LACTB2: variants seen among roughly 807,000 people sequenced by gnomAD.
LACTB2 encodes the protein endoribonuclease LACTB2.
Under a neutral mutation model 34.8 loss-of-function variants are expected in LACTB2, and 32 were observed. The ratio of observed to expected loss-of-function variants is 0.92; its 90% CI spans 0.69 to 1.24. The LOEUF (loss-of-function observed/expected upper bound fraction) is 1.24, where lower values mean the gene tolerates loss of function less well. LACTB2 is among the 50% of genes most tolerant of loss of function. LACTB2 has a pLI of 0.00. For missense variants in LACTB2, 320 were observed against 345.0 expected (o/e 0.93, Z 0.57); for synonymous variants, 120 against 117.5 (o/e 1.02, Z -0.14).
At chr8:70,655,236 TGA>T (rs1437396813) in intron 3 of LACTB2, among the ~76,000 whole-genome samples, 1 of 132,362 alleles carries the variant, frequency 7.6e-6, no homozygotes, top group African/African-American at 2.8e-5. Flanking sequence ...TTTTTTTTTT[TGA>T]GAGGGAGTTT....
chr8:70,648,888 T>C (rs1255036978), intron 3 of LACTB2, among the ~76,000 whole-genome samples: 1 of 152,046 alleles, frequency 6.6e-6, no homozygotes, highest in Non-Finnish European at 1.5e-5. Context: ...AAGGAATCAC[T>C]GTGAAATTTC....
chr8:70,664,422 C>A (rs1818515323), intron 1 of LACTB2, among the ~76,000 whole-genome samples: 1 of 152,088 alleles, frequency 6.6e-6, no homozygotes, highest in African/African-American at 2.4e-5. Context: ...GAAAACAGAT[C>A]TTTTAGAATG....
At position 70,644,186 on chromosome 8, in the gene LACTB2, T is replaced by G. The variant is rs771727222; in HGVS notation, c.471A>C (p.Glu157Asp). 2 of 1,613,024 alleles carry G rather than the reference T, an allele frequency of 1.2e-6. No individual in the cohort carries two copies. The highest frequency in any genetic ancestry group is 2.7e-5 in the African/African-American group (2 of 74,892). ...TGCAATCTCCAGAAAAGATAGCATTTTCCTCTTCTAAGAGTAGAGCCATGT... is the reference window on the plus strand; with the variant it reads ...TGCAATCTCCAGAAAAGATAGCATTGTCCTCTTCTAAGAGTAGAGCCATGT... ...DDHMALLLEE[E>D]NAIFSGDCIL... is the part of the protein sequence containing the mutation. The change falls in exon 4 of 7, where the codon GAA (glutamate) becomes GAC (aspartate). Residue 157 changes from glutamate to aspartate, a missense_variant. Transcript: ENST00000276590.
intron 3 of LACTB2, among the ~76,000 whole-genome samples, chr8:70,652,296 C>T (rs1818353167): frequency 6.6e-6 from 1 of 152,030 alleles, no homozygotes; most frequent in African/African-American, 2.4e-5. Context: ...TTTTCACTAG[C>T]TAGCTTAACA....
chr8:70,663,902 A>G (rs1232467511), intron 1 of LACTB2, among the ~76,000 whole-genome samples: 1 of 152,174 alleles, frequency 6.6e-6, no homozygotes, highest in African/African-American at 2.4e-5. Context: ...CAGGGCAGAA[A>G]GCTTGTCTGT....
intron 3 of LACTB2, among the ~76,000 whole-genome samples, chr8:70,653,494 T>C (rs1393670074): frequency 6.6e-6 from 1 of 152,224 alleles, no homozygotes; most frequent in East Asian, 1.9e-4. Flanking sequence ...AAAGAGGACA[T>C]GGACATCTAC....
Position 70,641,744 on chromosome 8 carries a change from T to C in LACTB2, c.593-694A>G, listed in dbSNP as rs146315321. ...TGACAACCCAGATTAAGTTATACTA[T>C]AATTTACTTCCCCTTTAAGACAGTA... On this transcript the variant is annotated intron_variant, in intron 4 of 6. Coordinates refer to ENST00000276590, the MANE Select transcript of LACTB2 (RefSeq NM_016027.3). Among the ~76,000 whole-genome samples the C allele has an allele frequency of 4.3e-3, 661 of 152,336 alleles. 6 individuals carry two copies. The highest frequency in any genetic ancestry group is 0.015 in the African/African-American group (623 of 41,584).
intron 3 of LACTB2, among the ~76,000 whole-genome samples, chr8:70,648,563 T>C (rs1227687109): frequency 6.6e-6 from 1 of 151,078 alleles, no homozygotes; most frequent in African/African-American, 2.4e-5. Flanking sequence ...GGCAAAAAGA[T>C]GAAAAATGAG....
At chr8:70,646,977 G>C (rs1459335922) in intron 3 of LACTB2, among the ~76,000 whole-genome samples, 1 of 152,142 alleles carries the variant, frequency 6.6e-6, no homozygotes, top group African/African-American at 2.4e-5. Context: ...CTTAGTAGTA[G>C]TTAATTTTAG....
Position 70,644,221 on chromosome 8 carries a change from T to A in LACTB2, c.436A>T (p.Thr146Ser). The change falls in exon 4 of 7, where the codon ACT becomes TCT. Residue 146 changes from threonine (T) to serine (S), a missense_variant. Coordinates refer to ENST00000276590, the MANE Select transcript of LACTB2 (RefSeq NM_016027.3). ...AAGAGTAGAGCCATGTGATCATCAG[T>A]GTGGCCAGGGGTATATAGAACTCTG... is the stretch of plus-strand genomic sequence containing the variant. ...TLRVLYTPGH[T>S]DDHMALLLEE... 2 of 1,590,912 alleles carry A rather than the reference T, an allele frequency of 1.3e-6. No homozygotes were observed. The highest frequency in any genetic ancestry group is 1.7e-6 in the Non-Finnish European group (2 of 1,162,616).
chr8:70,657,776 C>G lies in LACTB2; in HGVS notation c.393G>C (p.Lys131Asn), dbSNP rs764212321. The change falls in exon 3 of 7, where the codon AAG becomes AAC. Residue 131 changes from lysine (K) to asparagine (N), a missense_variant. Physicochemically the swap from Lys to Asn is moderately conservative, Grantham distance 94. Coordinates refer to ENST00000276590, the MANE Select transcript of LACTB2 (RefSeq NM_016027.3). ...CTTACCTTAGAGTGGCTCCCTCAGT[C>G]TTAATCACATCTCCATCTTTCAGAT... ...YVYLKDGDVI[K>N]TEGATLRVLY... is the part of the protein sequence containing the mutation. The G allele has an allele frequency of 6.2e-7, 1 of 1,612,810 alleles. No individual in the cohort carries two copies. The highest frequency in any genetic ancestry group is 2.2e-5 in the East Asian group (1 of 44,858).
intron 3 of LACTB2, among the ~76,000 whole-genome samples, chr8:70,656,709 CTG>C (rs1317216904): frequency 1.3e-5 from 2 of 152,082 alleles, no homozygotes; most frequent in African/African-American, 4.8e-5. Context: ...TTTTCTAATT[CTG>C]TGAAGAATGA....
chr8:70,643,915 A>G (rs1818230862), intron 4 of LACTB2, 150 bp downstream of exon 4: 1 of 624,520 alleles, frequency 1.6e-6, no homozygotes, highest in Non-Finnish European at 2.3e-6. Flanking sequence ...AAAACTACCC[A>G]CTTTGGCATG....
intron 6 of LACTB2, 87 bp downstream of exon 6, chr8:70,638,461 G>A (rs746132704): frequency 3.7e-6 from 5 of 1,336,680 alleles, no homozygotes; most frequent in East Asian, 2.8e-5. Context: ...AACTCTGATG[G>A]GTATTATTTT....
At chr8:70,643,634 C>A (rs1298018232) in intron 4 of LACTB2, among the ~76,000 whole-genome samples, 3 of 152,010 alleles carry the variant, frequency 2.0e-5, no homozygotes, top group Admixed American at 6.6e-5. Context: ...CCTGTCTCAG[C>A]CTCCCAAGTA....
At chr8:70,660,219 G>A (rs539405445) in intron 2 of LACTB2, 1 of 201,360 alleles carries the variant, frequency 5.0e-6, no homozygotes, top group Admixed American at 5.4e-5. Flanking sequence ...CTCCTGAGTG[G>A]ATGGGATTAT....
At chr8:70,641,921 T>C (rs972351032) in intron 4 of LACTB2, among the ~76,000 whole-genome samples, 2 of 152,184 alleles carry the variant, frequency 1.3e-5, no homozygotes, top group Non-Finnish European at 2.9e-5. Flanking sequence ...TGAGGAAGTA[T>C]CTGAATCTCT....
At chr8:70,640,001 C>T (rs781363325) in intron 5 of LACTB2, among the ~76,000 whole-genome samples, 7 of 152,252 alleles carry the variant, frequency 4.6e-5, no homozygotes, top group Admixed American at 3.3e-4. Context: ...TGCACTGTCA[C>T]CTAGGCTGGT....
At chr8:70,657,695 C>A in intron 3 of LACTB2, 61 bp downstream of exon 3, 10 of 1,445,956 alleles carry the variant, frequency 6.9e-6, no homozygotes, top group Non-Finnish European at 9.2e-6. Context: ...TCCTTCCATC[C>A]TTTTCTATAA....
Sources: gnomAD v4.1 joint callset for allele counts (sites outside exome capture counted in the v4.1 genomes callset) on GRCh38, gnomAD v4.1.1 for gene constraint, MANE v1.5 for transcripts, NCBI Gene and HGNC (gene_info 2026-07-23, HGNC 2026-07-21) for gene names.